PHF19: variants seen among roughly 807,000 people sequenced by gnomAD.
PHF19 encodes the protein PHD finger protein 19, also known as polycomb like 3.
PHF19 carries 21 observed loss-of-function variants against 79.8 expected under a neutral mutation model. That is an observed-to-expected ratio of 0.26 (90% CI 0.19 to 0.38). PHF19 has a LOEUF of 0.38. Among genes scored for constraint, PHF19 ranks in the 10% least tolerant of loss-of-function variants. The pLI is 1.00. For missense variants in PHF19, 445 were observed against 744.2 expected, an observed-to-expected ratio of 0.60 and a Z score of 4.68; for synonymous variants, 273 against 296.3, an observed-to-expected ratio of 0.92 and a Z score of 0.81.
Position 120,869,428 on chromosome 9 carries a change from G to A in PHF19, c.466-98C>T. ...TTGAGGGAAGTGCTGCCAGGGCTTG[G>A]GGGACCCGCAGATATTCCAATATAG... On this transcript the variant is annotated intron_variant, in intron 5 of 14. Coordinates refer to ENST00000373896, the MANE Select transcript of PHF19 (RefSeq NM_015651.3). This position sits in a 1 kb window ranked among gnomAD's most constrained non-coding sequence, Gnocchi z 5.8. 7.1e-7 allele frequency: 1 copy of A among 1,411,536 alleles called. No individual in the cohort carries two copies. The highest frequency in any genetic ancestry group is 9.5e-7 in the Non-Finnish European group (1 of 1,048,918). 87.4% of individuals were successfully genotyped at this position (1,411,536 alleles called of 1,614,324 possible).
At chr9:120,858,813 A>T (rs1488799198) in intron 14 of PHF19, among the ~76,000 whole-genome samples, 13 of 110,822 alleles carry the variant, frequency 1.2e-4, no homozygotes, top group African/African-American at 4.5e-4. Context: ...GACAGACATC[A>T]CACACACACA....
At chr9:120,887,236 C>T (rs970463981) in intron 1 of PHF19, among the ~76,000 whole-genome samples, 6 of 151,506 alleles carry the variant, frequency 4.0e-5, no homozygotes, top group South Asian at 2.1e-4. Flanking sequence ...GGGCGGATCA[C>T]CTGAGGTCAG....
intron 3 of PHF19, among the ~76,000 whole-genome samples, chr9:120,873,395 G>A (rs2045959317): frequency 1.3e-5 from 2 of 152,206 alleles, no homozygotes; most frequent in Admixed American, 1.3e-4. Context: ...AGGCAGGGAT[G>A]ATACCCAACC....
chr9:120,858,632 C>A (rs758083421), intron 14 of PHF19, among the ~76,000 whole-genome samples: 36 of 152,116 alleles, frequency 2.4e-4, no homozygotes, highest in Non-Finnish European at 4.0e-4. Flanking sequence ...AGGATCCCGG[C>A]ACTGCAAAAG....
At position 120,861,986 on chromosome 9, in the gene PHF19, G is replaced by C; in HGVS notation, c.1150C>G (p.Gln384Glu). ...CTATAAACTCGCCTTTTCTGCTGCT[G>C]GAATTCGTGAGGCAACAAACTGTGG... Reference protein sequence around the residue: ...SKPGLLPHEFQQQKRRVYRRK... With the variant: ...SKPGLLPHEFEQQKRRVYRRK... Residue 384 changes from glutamine (Q) to glutamate (E), a missense_variant, in exon 12 of 15, where the codon CAG becomes GAG. By Grantham distance (29) the Gln-to-Glu change is conservative. This residue lies in a region of PHF19 where 83 missense variants were observed against 85.5 expected (regional missense o/e 0.97). Transcript: ENST00000373896. 1 of 1,613,662 alleles carries C rather than the reference G, an allele frequency of 6.2e-7. No homozygotes were observed.
chr9:120,872,524 C>A (rs1337139787), intron 3 of PHF19, among the ~76,000 whole-genome samples: 2 of 152,220 alleles, frequency 1.3e-5, no homozygotes, highest in South Asian at 4.2e-4. Context: ...TTATATAATA[C>A]TATTTCAGGG....
Position 120,862,701 on chromosome 9 carries a change from C to T in PHF19, c.1017G>A (p.Leu339=). 1 of 1,614,188 alleles carries T rather than the reference C, an allele frequency of 6.2e-7. No homozygotes were observed. ...GCGGGTTGGGTGGGACGCGGATGCGCAGGCGGAAGATGCACTTCTTCTTCT... is the reference window on the plus strand; with the variant it reads ...GCGGGTTGGGTGGGACGCGGATGCGTAGGCGGAAGATGCACTTCTTCTTCT... The part of the protein sequence containing the change: ...EIKKKKCIFR[L]RIRVPPNPPG... Residue 339 remains leucine (L), a synonymous_variant, in exon 11 of 15, where the codon CTG becomes CTA. Coordinates refer to ENST00000373896, the MANE Select transcript of PHF19 (RefSeq NM_015651.3). This position sits in a 1 kb window ranked among gnomAD's most constrained non-coding sequence, Gnocchi z 4.6.
intron 9 of PHF19, among the ~76,000 whole-genome samples, chr9:120,865,226 T>C (rs938695931): frequency 1.3e-5 from 2 of 151,928 alleles, no homozygotes; most frequent in Non-Finnish European, 2.9e-5. Flanking sequence ...CCCGTGGGAG[T>C]GATTAGGGAG....
At chr9:120,873,524 G>A (rs1047442597) in intron 3 of PHF19, among the ~76,000 whole-genome samples, 11 of 152,178 alleles carry the variant, frequency 7.2e-5, no homozygotes, top group Admixed American at 2.6e-4. Context: ...TCCTTGCCCC[G>A]TGGAGAAGGC....
In PHF19 at chr9:120,864,011, G is replaced by A. The variant is rs746782385; in HGVS notation, c.968+38C>T. 52 of 1,552,410 alleles carry A rather than the reference G, an allele frequency of 3.3e-5. No individual in the cohort carries two copies. In the Admixed American group the frequency reaches 8.8e-4, roughly 26 times the overall value. On this transcript the variant is annotated intron_variant, in intron 10 of 14. Transcript: ENST00000373896. ...GAGGTAGGAAGGAATCTCACCTGTA[G>A]AGGGCCCCACCACACTCCCTCCCCT...
rs199811441 is a variant in PHF19, at chr9:120,872,689, CT to C, written c.268+1289del. ...AATTCTTTTTTTTTCTTTTTCTTTT[CT>C]TTTTTTTTTTTTTGAGACAGAGTCT... On this transcript the variant is annotated intron_variant, in intron 3 of 14. Transcript: ENST00000373896. Among the ~76,000 whole-genome samples the C allele has an allele frequency of 7.1e-3, 998 of 141,070 alleles. 3 individuals carry two copies. Among genetic ancestry groups the C allele is most frequent in the African/African-American group, 0.019 (756 of 38,822 alleles). 92.5% of individuals were successfully genotyped at this position (141,070 alleles called of 152,430 possible).
intron 14 of PHF19, 134 bp from the exon 15 acceptor site, chr9:120,858,420 T>C: frequency 1.6e-6 from 1 of 616,682 alleles, no homozygotes. Flanking sequence ...CTTATCCATC[T>C]TCTCCCATGC....
In PHF19 at chr9:120,891,016, G is replaced by A. The variant is rs537056900; in HGVS notation, c.42+3772C>T. Among the ~76,000 whole-genome samples the A allele has an allele frequency of 6.6e-6, 1 of 152,200 alleles. No homozygotes were observed. Among genetic ancestry groups the A allele is most frequent in the East Asian group, 1.9e-4 (1 of 5,174 alleles). On this transcript the variant is annotated intron_variant, in intron 1 of 14. Coordinates refer to the PHF19 transcript ENST00000616568. The surrounding 1 kb of genome is among the most constrained non-coding windows in gnomAD (Gnocchi z 4.3). Reference sequence around the variant, plus strand: ...CTCTCCCCGGAATTTGGGCCTCAGAGCCTTGGACTGTGTTTTTGCCTTGAT... The same window carrying A: ...CTCTCCCCGGAATTTGGGCCTCAGAACCTTGGACTGTGTTTTTGCCTTGAT...
Position 120,874,550 on chromosome 9 carries a change from G to GTTTA in PHF19, c.186+2_186+5dup. On this transcript the variant is annotated splice_donor_region_variant and intron_variant, in intron 2 of 14. Transcript: ENST00000373896. This position sits in a 1 kb window ranked among gnomAD's most constrained non-coding sequence, Gnocchi z 4.5. ...TGAGAACAGGGGCCAGAGAGGATGG[G>GTTTA]TTTACCCTCTTGATCTTCCCGAGGT... is the stretch of plus-strand genomic sequence containing the variant. 6.3e-7 allele frequency: 1 copy of GTTTA among 1,584,050 alleles called. No homozygotes were observed. The highest frequency in any genetic ancestry group is 1.1e-5 in the South Asian group (1 of 90,420).
chr9:120,884,754 CAAAA>C (rs57387656), intron 1 of PHF19, among the ~76,000 whole-genome samples: 2 of 127,012 alleles, frequency 1.6e-5, no homozygotes, highest in African/African-American at 3.0e-5. Context: ...CCAAAAAATA[CAAAA>C]AAAAAAAAAA....
chr9:120,877,495 G>GC (rs1030296318), upstream of PHF19, among the ~76,000 whole-genome samples: 247 of 150,304 alleles, frequency 1.6e-3, 3 homozygotes, highest in South Asian at 7.7e-3. Flanking sequence ...CAGGACCCGG[G>GC]CCCCCCGCCG....
chr9:120,866,830 C>T lies in PHF19; in HGVS notation c.710+40G>A, dbSNP rs2131520101. The T allele has an allele frequency of 8.9e-7, 1 of 1,129,560 alleles. No individual in the cohort carries two copies. Among genetic ancestry groups the T allele is most frequent in the Non-Finnish European group, 1.4e-6 (1 of 738,170 alleles). 70.0% of individuals were successfully genotyped at this position (1,129,560 alleles called of 1,614,324 possible). A position where few individuals can be genotyped will look rare whatever the true frequency, so the allele number is the denominator to read the frequency against. Reference sequence around the variant, plus strand: ...GTTGCTGCCATCCCTGCCCTCTCCCCACCACGCCCAAGGCCCACTTGGACC... The same window carrying T: ...GTTGCTGCCATCCCTGCCCTCTCCCTACCACGCCCAAGGCCCACTTGGACC... On this transcript the variant is annotated intron_variant, in intron 7 of 14. Coordinates refer to ENST00000373896, the MANE Select transcript of PHF19 (RefSeq NM_015651.3). The surrounding 1 kb of genome is among the most constrained non-coding windows in gnomAD (Gnocchi z 5.2).
chr9:120,870,055 C>T lies in PHF19; in HGVS notation c.365-110G>A. On this transcript the variant is annotated intron_variant, in intron 4 of 14. Transcript: ENST00000373896. The surrounding 1 kb of genome is among the most constrained non-coding windows in gnomAD (Gnocchi z 4.4). ...GCTGAGGGAAGTCCTAGGAGCTCTG[C>T]CTGCCAGCTGCCGGGAGCCTGGCTG... The T allele has an allele frequency of 6.9e-7, 1 of 1,455,492 alleles. No homozygotes were observed. The highest frequency in any genetic ancestry group is 9.1e-7 in the Non-Finnish European group (1 of 1,093,500). The allele number at this position is 1,455,492 out of a possible 1,614,324, so 90.2% of individuals were successfully genotyped here. A position where few individuals can be genotyped will look rare whatever the true frequency, so the allele number is the denominator to read the frequency against.
intron 1 of PHF19, 132 bp downstream of exon 1, chr9:120,876,959 C>T (rs2046079749): frequency 1.0e-6 from 1 of 957,790 alleles, no homozygotes; most frequent in Non-Finnish European, 1.2e-6. Flanking sequence ...CCCCCGAGAG[C>T]CCCGCTCCGC....
Sources: gnomAD v4.1 joint callset for allele counts (sites outside exome capture counted in the v4.1 genomes callset) on GRCh38, gnomAD v4.1.1 for gene constraint, gnomAD v4.1.1 regional missense constraint, Gnocchi (gnomAD v3.1) non-coding constraint, MANE v1.5 for transcripts, NCBI Gene and HGNC (gene_info 2026-07-23, HGNC 2026-07-21) for gene names.